KHDRBS2: variants seen among roughly 807,000 people sequenced by gnomAD.
KHDRBS2 encodes KH domain-containing, RNA-binding, signal transduction-associated protein 2.
Under a neutral mutation model 44.3 loss-of-function variants are expected in KHDRBS2, and 26 were observed. The ratio of observed to expected loss-of-function variants is 0.59; its 90% CI spans 0.43 to 0.81. The LOEUF is 0.81. Ranked by LOEUF, KHDRBS2 falls within the 40% of genes least tolerant of loss-of-function variation. The pLI is 0.00. For missense variants in KHDRBS2, 476 were observed against 433.1 expected (o/e 1.10, Z -0.88); for synonymous variants, 194 against 151.1 (o/e 1.28, Z -2.08).
intron 2 of KHDRBS2, among the ~76,000 whole-genome samples, chr6:62,107,102 G>T (rs973180423): frequency 4.6e-5 from 7 of 151,544 alleles, no homozygotes; most frequent in African/African-American, 1.7e-4. Context: ...GGGCAATTAG[G>T]CAGGAGAAGG....
chr6:61,623,223 T>C, the KHDRBS2 span, among the ~76,000 whole-genome samples: 1 of 152,174 alleles, frequency 6.6e-6, no homozygotes. Context: ...TCTGGTATAA[T>C]GCCTATTGAA....
chr6:61,929,313 C>T (rs541935747), intron 4 of KHDRBS2, among the ~76,000 whole-genome samples: 2 of 152,270 alleles, frequency 1.3e-5, no homozygotes, highest in African/African-American at 2.4e-5. Flanking sequence ...GTAGTAAAGT[C>T]TTCATACTGA....
chr6:62,089,365 G>T (rs1021395191), intron 2 of KHDRBS2, among the ~76,000 whole-genome samples: 2 of 152,118 alleles, frequency 1.3e-5, no homozygotes, highest in Non-Finnish European at 2.9e-5. Flanking sequence ...TGTGGTGCAG[G>T]CACCTGAGGG....
rs542409444 is a variant in KHDRBS2 at position 62,061,678 on chromosome 6, C to T, written c.220-13684G>A. ...TGGAGTTGCTCTTCTTGAGGAGTAT[C>T]TTTGTGGCCTTCTCTGTATTTCCTG... On this transcript the variant is annotated intron_variant, in intron 2 of 8. Transcript: ENST00000281156. Among the ~76,000 whole-genome samples the T allele has an allele frequency of 2.8e-4, 42 of 151,314 alleles. No homozygotes were observed. In the East Asian group the frequency reaches 8.3e-3, roughly 30 times the overall value.
At chr6:61,759,639 T>C (rs1168475265) in intron 6 of KHDRBS2, among the ~76,000 whole-genome samples, 3 of 152,196 alleles carry the variant, frequency 2.0e-5, no homozygotes, top group South Asian at 2.1e-4. Context: ...ATGCTTCCAA[T>C]AGGTAACTTA....
At chr6:62,265,862 T>C (rs776964604) in intron 1 of KHDRBS2, among the ~76,000 whole-genome samples, 23 of 152,174 alleles carry the variant, frequency 1.5e-4, no homozygotes, top group Non-Finnish European at 3.1e-4. Flanking sequence ...CTATTTGAAA[T>C]AATTCATTTA....
chr6:61,555,078 A>C, the KHDRBS2 span, among the ~76,000 whole-genome samples: 1 of 152,216 alleles, frequency 6.6e-6, no homozygotes, highest in South Asian at 2.1e-4. Context: ...AATTTTCATG[A>C]ATAATAACCT....
the KHDRBS2 span, among the ~76,000 whole-genome samples, chr6:61,543,389 A>G: frequency 1.3e-5 from 2 of 152,018 alleles, no homozygotes; most frequent in African/African-American, 2.4e-5. Context: ...AGAAAAATGC[A>G]ATGAAATATC....
chr6:61,874,689 T>G (rs545534583), intron 6 of KHDRBS2, among the ~76,000 whole-genome samples: 2 of 152,252 alleles, frequency 1.3e-5, no homozygotes, highest in Admixed American at 1.3e-4. Context: ...CAAACAAATC[T>G]GAACAGCCAA....
chr6:62,163,245 G>T (rs1224445665), intron 2 of KHDRBS2, among the ~76,000 whole-genome samples: 4 of 152,008 alleles, frequency 2.6e-5, no homozygotes, highest in African/African-American at 9.7e-5. Flanking sequence ...AATAGTTAAA[G>T]ACAGACTTTA....
chr6:61,585,122 A>T, the KHDRBS2 span, among the ~76,000 whole-genome samples: 1 of 151,956 alleles, frequency 6.6e-6, no homozygotes, highest in Non-Finnish European at 1.5e-5. Context: ...ATGCAATGTT[A>T]TTTTACACAT....
intron 4 of KHDRBS2, among the ~76,000 whole-genome samples, chr6:61,906,109 G>C (rs1804964107): frequency 6.6e-6 from 1 of 152,070 alleles, no homozygotes; most frequent in African/African-American, 2.4e-5. Context: ...GCCTCCCAAA[G>C]TGCTGGGAAT....
intron 1 of KHDRBS2, among the ~76,000 whole-genome samples, chr6:62,263,036 T>G (rs549888346): frequency 2.0e-5 from 3 of 151,794 alleles, no homozygotes; most frequent in Non-Finnish European, 4.4e-5. Flanking sequence ...AACACTAAAA[T>G]TACATGAAAC....
chr6:61,629,648 G>T, the KHDRBS2 span, among the ~76,000 whole-genome samples: 3,720 of 152,184 alleles, frequency 0.024, 69 homozygotes, highest in Middle Eastern at 0.088. Flanking sequence ...GCAGCATTAG[G>T]TCTATATTTG....
rs184610235 is a variant in KHDRBS2, at chr6:62,072,841, T to A, written c.220-24847A>T. ...TCTCTGCCAGGCTTTGGTATCAGGA[T>A]GATGCTGGCCTCATAAAATGAGTTA... On this transcript the variant is annotated intron_variant, in intron 2 of 8. Coordinates refer to ENST00000281156, the MANE Select transcript of KHDRBS2 (RefSeq NM_152688.4). Among the ~76,000 whole-genome samples, 103 of 152,282 alleles carry A rather than the reference T, an allele frequency of 6.8e-4. No individual in the cohort carries two copies. The Middle Eastern group carries it at 0.024, about 35-fold the overall frequency.
chr6:61,732,732 A>T lies in KHDRBS2; in HGVS notation c.843T>A (p.Asp281Glu), dbSNP rs1366184286. Residue 281 changes from aspartate (D) to glutamate (E), a missense_variant, in exon 7 of 9, where the codon GAT (aspartate) becomes GAA (glutamate). Transcript: ENST00000281156. ...GYDDGYGGEYDDQTYETYDNS... is the reference protein window; with the variant it reads ...GYDDGYGGEYEDQTYETYDNS... ...TATCATAAGTCTCATAGGTCTGGTC[A>T]TCATATTCACCCCCGTAGCCATCAT... The T allele has an allele frequency of 6.2e-7, 1 of 1,611,604 alleles. No homozygotes were observed. Among genetic ancestry groups the T allele is most frequent in the Non-Finnish European group, 8.5e-7 (1 of 1,177,810 alleles).
chr6:62,116,514 C>T (rs1183615178), intron 2 of KHDRBS2, among the ~76,000 whole-genome samples: 2 of 151,938 alleles, frequency 1.3e-5, no homozygotes, highest in Non-Finnish European at 2.9e-5. Flanking sequence ...TTATGGGGTA[C>T]ATGTGATATT....
chr6:61,609,596 T>C, the KHDRBS2 span, among the ~76,000 whole-genome samples: 1 of 152,230 alleles, frequency 6.6e-6, no homozygotes, highest in African/African-American at 2.4e-5. Context: ...AAAATTTGTA[T>C]GCTATTCTAC....
At chr6:61,591,550 C>A in the KHDRBS2 span, among the ~76,000 whole-genome samples, 1 of 152,040 alleles carries the variant, frequency 6.6e-6, no homozygotes, top group Admixed American at 6.5e-5. Context: ...ATCTCGTGCA[C>A]CTAGAGTAAC....
Sources: allele counts gnomAD v4.1 joint callset (sites outside exome capture counted in the v4.1 genomes callset), GRCh38; gene constraint gnomAD v4.1.1; transcripts MANE v1.5; gene names NCBI Gene and HGNC (gene_info 2026-07-23, HGNC 2026-07-21).